PAQR8: variants seen among roughly 807,000 people sequenced by gnomAD.
PAQR8 encodes membrane progestin receptor beta.
In PAQR8, 17 loss-of-function variants were observed where a neutral mutation model predicts 25.2. The observed-to-expected ratio is 0.67, with a 90% CI of 0.46 to 1.01. PAQR8 has a LOEUF of 1.01. Ranked by LOEUF, PAQR8 falls within the 50% of genes least tolerant of loss-of-function variation. The pLI is 0.00. For missense variants in PAQR8, 392 were observed against 448.4 expected (o/e 0.87, Z 1.14); for synonymous variants, 204 against 190.6 (o/e 1.07, Z -0.58).
chr6:52,382,284 A>G (rs943159152), intron 1 of PAQR8, among the ~76,000 whole-genome samples: 1 of 152,250 alleles, frequency 6.6e-6, no homozygotes, highest in Non-Finnish European at 1.5e-5. Context: ...TCAGGGACAG[A>G]TAAGGTTTTC....
chr6:52,386,058 A>T (rs1321851158), intron 1 of PAQR8, among the ~76,000 whole-genome samples: 2 of 152,204 alleles, frequency 1.3e-5, no homozygotes, highest in East Asian at 3.8e-4. Flanking sequence ...CACTTCTCAA[A>T]AGAAGACAGA....
chr6:52,366,977 C>T (rs1465709849), intron 1 of PAQR8, among the ~76,000 whole-genome samples: 1 of 152,226 alleles, frequency 6.6e-6, no homozygotes, highest in Admixed American at 6.5e-5. Flanking sequence ...AACTCCTGAC[C>T]TCGTGATCTG....
chr6:52,392,812 T>C (rs938147673), intron 1 of PAQR8, among the ~76,000 whole-genome samples: 4 of 152,246 alleles, frequency 2.6e-5, no homozygotes, highest in African/African-American at 9.6e-5. Flanking sequence ...TTATCTGGGC[T>C]AATAGACCTA....
In PAQR8 at chr6:52,403,197, G is replaced by A; in HGVS notation, c.-17G>A. The stretch of plus-strand genomic sequence containing the variant: ...CTGTCCTGAGGGCGCGGCACGGAGT[G>A]CATGCGGGCCGCTGCCATGACGACC... On this transcript the variant is annotated 5_prime_UTR_variant, in exon 2 of 2. Coordinates refer to ENST00000442253, the MANE Select transcript of PAQR8 (RefSeq NM_133367.5). 2 of 1,584,732 alleles carry A rather than the reference G, an allele frequency of 1.3e-6. No individual in the cohort carries two copies. Among genetic ancestry groups the A allele is most frequent in the South Asian group, 1.1e-5 (1 of 89,966 alleles).
In PAQR8 at chr6:52,369,593, G is replaced by T. The variant is rs534353997; in HGVS notation, c.-53+7344G>T. On this transcript the variant is annotated intron_variant, in intron 1 of 1. Transcript: ENST00000442253. ...GTGAGCTACAAAACCAGGCGAAGAT[G>T]GACATAAAATATACATACTCTGCTG... Among the ~76,000 whole-genome samples, 7 of 152,232 alleles carry T rather than the reference G, an allele frequency of 4.6e-5. No homozygotes were observed. The East Asian group carries it at 1.3e-3, about 29-fold the overall frequency.
At chr6:52,363,359 T>G (rs1763313247) in intron 1 of PAQR8, among the ~76,000 whole-genome samples, 1 of 152,202 alleles carries the variant, frequency 6.6e-6, no homozygotes, top group African/African-American at 2.4e-5. Flanking sequence ...TAGAAATGAT[T>G]TTGTCCAGGA....
At chr6:52,379,558 T>C (rs1179228725) in intron 1 of PAQR8, among the ~76,000 whole-genome samples, 1 of 151,830 alleles carries the variant, frequency 6.6e-6, no homozygotes, top group Non-Finnish European at 1.5e-5. Flanking sequence ...TTCAAGTGAT[T>C]TTCCTGCCTC....
chr6:52,375,329 A>G (rs1763473231), intron 1 of PAQR8, among the ~76,000 whole-genome samples: 1 of 152,140 alleles, frequency 6.6e-6, no homozygotes, highest in Non-Finnish European at 1.5e-5. Flanking sequence ...AGTGAAATCT[A>G]TTTGCCATCT....
At position 52,404,177 on chromosome 6, in the gene PAQR8, A is replaced by G. The variant is rs1228815302; in HGVS notation, c.964A>G (p.Met322Val). ...GCGCCATGGACCCCTATCTGTCCAC[A>G]TGGCCTGCCTCTCCTTCTTCTTCCT... is the stretch of plus-strand genomic sequence containing the variant. ...LQRHGPLSVH[M>V]ACLSFFFLAA... Residue 322 changes from methionine (M) to valine (V), a missense_variant, in exon 2 of 2, where the codon ATG becomes GTG. Coordinates refer to ENST00000442253, the MANE Select transcript of PAQR8 (RefSeq NM_133367.5). 3 of 1,614,106 alleles carry G rather than the reference A, an allele frequency of 1.9e-6. No homozygotes were observed. Among genetic ancestry groups the G allele is most frequent in the Non-Finnish European group, 1.7e-6 (2 of 1,179,978 alleles).
chr6:52,366,338 C>T (rs992104093), intron 1 of PAQR8, among the ~76,000 whole-genome samples: 1 of 152,142 alleles, frequency 6.6e-6, no homozygotes, highest in Admixed American at 6.5e-5. Flanking sequence ...GAGACACAGG[C>T]TTTGCCCTTC....
Position 52,404,776 on chromosome 6 carries a change from A to G in PAQR8, c.*498A>G. ...TGTCCAGAGTGGAAAAGCCTTCAAG[A>G]TGACATGATGAATTACTCAGTTCAT... On this transcript the variant is annotated 3_prime_UTR_variant, in exon 2 of 2. Transcript: ENST00000442253. The G allele has an allele frequency of 5.8e-6, 1 of 172,338 alleles. No individual in the cohort carries two copies. The highest frequency in any genetic ancestry group is 1.9e-4 in the East Asian group (1 of 5,322). The allele number at this position is 172,338 out of a possible 1,614,324, so 10.7% of individuals were successfully genotyped here. A position where few individuals can be genotyped will look rare whatever the true frequency, so the allele number is the denominator to read the frequency against.
chr6:52,379,751 GA>G lies in PAQR8; in HGVS notation c.-53+17504del, dbSNP rs1430233677. 2.0e-5 allele frequency among the ~76,000 whole-genome samples: 3 copies of G among 148,762 alleles called. No homozygotes were observed. The Admixed American group carries it at 2.0e-4, about 10-fold the overall frequency. On this transcript the variant is annotated intron_variant, in intron 1 of 1. Coordinates refer to ENST00000442253, the MANE Select transcript of PAQR8 (RefSeq NM_133367.5). Reference sequence around the variant, plus strand: ...ACGCCATTCTCCTGCTTCAGCCTCCGAAGTAGCTGGGACTATAGGCGCCTGC... The same window carrying G: ...ACGCCATTCTCCTGCTTCAGCCTCCGAGTAGCTGGGACTATAGGCGCCTGC...
At chr6:52,388,291 G>T (rs951235640) in intron 1 of PAQR8, among the ~76,000 whole-genome samples, 7 of 151,986 alleles carry the variant, frequency 4.6e-5, no homozygotes, top group Admixed American at 1.3e-4. Flanking sequence ...CACAAGAATG[G>T]CTTGAGCCTG....
chr6:52,400,489 G>T (rs140104708), intron 1 of PAQR8, among the ~76,000 whole-genome samples: 1 of 152,188 alleles, frequency 6.6e-6, no homozygotes, highest in Admixed American at 6.5e-5. Context: ...TGTTGATGGT[G>T]GGGCTCAGGA....
In PAQR8 at chr6:52,407,185, ATGAAAATGTAAATACCTT is replaced by A. The variant is rs1763920759; in HGVS notation, c.*2914_*2931del. 6.0e-6 allele frequency: 1 copy of A among 167,048 alleles called. No individual in the cohort carries two copies. Among genetic ancestry groups the A allele is most frequent in the South Asian group, 2.1e-4 (1 of 4,834 alleles). 10.3% of individuals were successfully genotyped at this position (167,048 alleles called of 1,614,324 possible). On this transcript the variant is annotated 3_prime_UTR_variant, in exon 2 of 2. Transcript: ENST00000442253. Reference sequence around the variant, plus strand: ...CTCTCTTAATTTAGACTTTCAACCTATGAAAATGTAAATACCTTTGAAAAAACTAAACTATCAGTCATT... The same window carrying A: ...CTCTCTTAATTTAGACTTTCAACCTATGAAAAAACTAAACTATCAGTCATT...
chr6:52,390,991 A>T (rs1047169466), intron 1 of PAQR8, among the ~76,000 whole-genome samples: 5 of 152,228 alleles, frequency 3.3e-5, no homozygotes, highest in African/African-American at 7.2e-5. Context: ...GTTTGTTGTT[A>T]AAAAGTACGA....
chr6:52,393,060 AT>A (rs1170458828), intron 1 of PAQR8, among the ~76,000 whole-genome samples: 2 of 152,186 alleles, frequency 1.3e-5, no homozygotes, highest in Non-Finnish European at 2.9e-5. Context: ...CATAGAGGGC[AT>A]TTTTTGAGGC....
At chr6:52,380,200 A>G (rs1326362871) in intron 1 of PAQR8, among the ~76,000 whole-genome samples, 2 of 152,228 alleles carry the variant, frequency 1.3e-5, no homozygotes, top group Admixed American at 6.5e-5. Context: ...TATTAAATCA[A>G]TAGGGTGGTT....
intron 1 of PAQR8, among the ~76,000 whole-genome samples, chr6:52,376,582 A>G (rs2113937852): frequency 6.6e-6 from 1 of 152,358 alleles, no homozygotes; most frequent in South Asian, 2.1e-4. Context: ...CATATAGGTT[A>G]GACAAAATAT....
Sources: gnomAD v4.1 joint callset for allele counts (sites outside exome capture counted in the v4.1 genomes callset) on GRCh38, gnomAD v4.1.1 for gene constraint, MANE v1.5 for transcripts, NCBI Gene and HGNC (gene_info 2026-07-23, HGNC 2026-07-21) for gene names.